REC114: variants seen among roughly 807,000 people sequenced by gnomAD.
REC114 encodes the protein meiotic recombination protein REC114.
REC114 carries 27 observed loss-of-function variants against 31.3 expected under a neutral mutation model. That is an observed-to-expected ratio of 0.86 (90% confidence interval 0.64 to 1.19). REC114 has a LOEUF of 1.19. Ranked by LOEUF, REC114 falls within the 50% of genes most tolerant of loss-of-function variation. The pLI, the probability that REC114 is intolerant of heterozygous loss-of-function variation, is 0.00. For missense variants in REC114, 344 were observed against 326.9 expected, an observed-to-expected ratio of 1.05 and a Z score of -0.40; for synonymous variants, 134 against 127.7, an observed-to-expected ratio of 1.05 and a Z score of -0.33.
At position 73,443,286 on chromosome 15, in the gene REC114, C is replaced by A; in HGVS notation, c.101C>A (p.Thr34Asn). The stretch of plus-strand genomic sequence containing the variant: ...TACGCCCGCTGCATACCCTCAAACA[C>A]CAGAGACCCACCTGGGCCATGCCTG... Reference protein sequence around the residue: ...QRYARCIPSNTRDPPGPCLEA... With the variant: ...QRYARCIPSNNRDPPGPCLEA... Residue 34 changes from threonine (T) to asparagine (N), a missense_variant, in exon 1 of 6, where the codon ACC becomes AAC. Transcript: ENST00000331090. 1 of 1,582,332 alleles carries A rather than the reference C, an allele frequency of 6.3e-7. No individual in the cohort carries two copies. Among genetic ancestry groups the A allele is most frequent in the Non-Finnish European group, 8.6e-7 (1 of 1,165,264 alleles).
chr15:73,505,866 A>G (rs557203541), intron 2 of REC114, among the ~76,000 whole-genome samples: 5 of 152,292 alleles, frequency 3.3e-5, no homozygotes, highest in Admixed American at 3.3e-4. Flanking sequence ...TATAGTTGGT[A>G]GAACATTTCC....
intron 1 of REC114, among the ~76,000 whole-genome samples, chr15:73,457,196 G>A (rs1403695391): frequency 6.6e-6 from 1 of 151,692 alleles, no homozygotes; most frequent in Admixed American, 6.6e-5. Flanking sequence ...CACTTCTGAG[G>A]CAAAGCTCTT....
At chr15:73,461,666 G>T (rs1019475593) in intron 1 of REC114, among the ~76,000 whole-genome samples, 1 of 152,026 alleles carries the variant, frequency 6.6e-6, no homozygotes, top group African/African-American at 2.4e-5. Context: ...TATAGGTTGT[G>T]CTATTGTTAT....
intron 4 of REC114, 80 bp from the exon 5 acceptor site, chr15:73,556,222 C>T: frequency 8.6e-7 from 1 of 1,157,116 alleles, no homozygotes; most frequent in Non-Finnish European, 1.3e-6. Context: ...AACATGAATG[C>T]ATATTTCTGC....
intron 2 of REC114, among the ~76,000 whole-genome samples, chr15:73,506,400 A>T (rs1396465180): frequency 6.6e-6 from 1 of 152,190 alleles, no homozygotes; most frequent in Non-Finnish European, 1.5e-5. Context: ...CAGCTGGTTC[A>T]CTGTGCTGTT....
intron 2 of REC114, among the ~76,000 whole-genome samples, chr15:73,518,885 A>G (rs1322707224): frequency 6.6e-6 from 1 of 152,202 alleles, no homozygotes; most frequent in Non-Finnish European, 1.5e-5. Context: ...AGACTAAAGA[A>G]AGGTTGTAAT....
intron 2 of REC114, among the ~76,000 whole-genome samples, chr15:73,520,464 T>C (rs1479026245): frequency 6.6e-6 from 1 of 152,080 alleles, no homozygotes; most frequent in Non-Finnish European, 1.5e-5. Flanking sequence ...CTCCTGACCT[T>C]GTGATCCACC....
chr15:73,446,149 T>A (rs115555469), intron 1 of REC114, among the ~76,000 whole-genome samples: 1,738 of 152,306 alleles, frequency 0.011, 30 homozygotes, highest in African/African-American at 0.04. Flanking sequence ...TTTGCTCTTA[T>A]TATCATTTTG....
chr15:73,446,529 A>T (rs1892766906), intron 1 of REC114, among the ~76,000 whole-genome samples: 1 of 151,970 alleles, frequency 6.6e-6, no homozygotes, highest in Non-Finnish European at 1.5e-5. Flanking sequence ...AGTCCCAGCT[A>T]CTCAGGAGGC....
chr15:73,550,903 G>A (rs1163974576), intron 3 of REC114, 35 bp from the exon 4 acceptor site: 22 of 1,595,558 alleles, frequency 1.4e-5, no homozygotes, highest in Admixed American at 5.0e-5. Context: ...TATATGATGA[G>A]GGTCTCTCAT....
intron 1 of REC114, among the ~76,000 whole-genome samples, chr15:73,460,570 T>C (rs1892976672): frequency 6.6e-6 from 1 of 152,176 alleles, no homozygotes; most frequent in Non-Finnish European, 1.5e-5. Context: ...TGAGCTTAAG[T>C]GTGCTTTGTG....
intron 2 of REC114, among the ~76,000 whole-genome samples, chr15:73,496,943 T>A (rs12594779): frequency 0.065 from 9,791 of 150,976 alleles, 923 homozygotes; most frequent in East Asian, 0.46. Context: ...TTTTTTTTTT[T>A]AATAACTTTG....
chr15:73,454,598 G>T (rs1035642840), intron 1 of REC114, among the ~76,000 whole-genome samples: 1 of 152,302 alleles, frequency 6.6e-6, no homozygotes, highest in African/African-American at 2.4e-5. Flanking sequence ...ATTCCTAGTT[G>T]TACTGTTCTG....
intron 2 of REC114, among the ~76,000 whole-genome samples, chr15:73,474,957 G>A (rs144841350): frequency 4.6e-5 from 7 of 152,226 alleles, no homozygotes; most frequent in African/African-American, 1.7e-4. Flanking sequence ...TGCAGCATGC[G>A]TTGTACTATT....
At chr15:73,451,493 CCTACCAA>C (rs1422181014) in intron 1 of REC114, among the ~76,000 whole-genome samples, 4 of 152,078 alleles carry the variant, frequency 2.6e-5, no homozygotes, top group Admixed American at 6.5e-5. Context: ...TAATGAATAG[CCTACCAA>C]CTAAAAAAAG....
intron 1 of REC114, among the ~76,000 whole-genome samples, chr15:73,468,950 T>C (rs113633822): frequency 0.015 from 2,304 of 152,178 alleles, 34 homozygotes; most frequent in Non-Finnish European, 0.025. Flanking sequence ...CAGAGACCTG[T>C]TTTTGATTTC....
intron 3 of REC114, 60 bp from the exon 4 acceptor site, chr15:73,550,878 C>A (rs1894377345): frequency 1.3e-6 from 2 of 1,538,510 alleles, no homozygotes; most frequent in African/African-American, 1.4e-5. Context: ...AGTGGAAGAC[C>A]CCAAAGTAAA....
At chr15:73,559,033 G>T (rs974431957) in intron 5 of REC114, among the ~76,000 whole-genome samples, 1 of 152,220 alleles carries the variant, frequency 6.6e-6, no homozygotes, top group Non-Finnish European at 1.5e-5. Context: ...TATGCTAAGT[G>T]TAAGAAGCCA....
At chr15:73,555,634 G>A (rs1894456020) in intron 4 of REC114, among the ~76,000 whole-genome samples, 1 of 152,108 alleles carries the variant, frequency 6.6e-6, no homozygotes, top group Non-Finnish European at 1.5e-5. Context: ...TGGGTTGTGG[G>A]CTTCCAGAGG....
Sources: allele counts gnomAD v4.1 joint callset (sites outside exome capture counted in the v4.1 genomes callset), GRCh38; gene constraint gnomAD v4.1.1; transcripts MANE v1.5; gene names NCBI Gene and HGNC (gene_info 2026-07-23, HGNC 2026-07-21).